ZFPM2: variants seen among roughly 807,000 people sequenced by gnomAD.
The protein encoded by ZFPM2 is zinc finger protein, FOG family member 2, also known as zinc finger protein ZFPM2.
Under a neutral mutation model 98.6 loss-of-function variants are expected in ZFPM2, and 20 were observed. The observed-to-expected ratio is 0.20, with a 90% confidence interval of 0.14 to 0.29. The LOEUF (loss-of-function observed/expected upper bound fraction) is 0.29, where lower values mean the gene tolerates loss of function less well. ZFPM2 is among the 10% of genes least tolerant of loss of function. The pLI is 1.00. For missense variants in ZFPM2, 1,310 were observed against 1,388.6 expected (o/e 0.94, Z 0.90); for synonymous variants, 518 against 502.7 (o/e 1.03, Z -0.41).
chr8:105,433,656 G>A (rs1372835841), intron 2 of ZFPM2, among the ~76,000 whole-genome samples: 1 of 152,014 alleles, frequency 6.6e-6, no homozygotes, highest in Non-Finnish European at 1.5e-5. Context: ...GCGTGGTGGC[G>A]GGAGCCTGTA....
At chr8:105,438,240 C>T (rs1158706507) in intron 2 of ZFPM2, among the ~76,000 whole-genome samples, 1 of 152,170 alleles carries the variant, frequency 6.6e-6, no homozygotes, top group Non-Finnish European at 1.5e-5. Context: ...TCATGAACTT[C>T]TCCCCTCAAA....
chr8:105,502,320 T>C (rs536022225), intron 3 of ZFPM2, among the ~76,000 whole-genome samples: 2 of 152,112 alleles, frequency 1.3e-5, no homozygotes, highest in South Asian at 4.1e-4. Context: ...GAAAAGAATA[T>C]CAATTAAAAA....
At chr8:105,454,483 A>C (rs1257955903) in intron 3 of ZFPM2, among the ~76,000 whole-genome samples, 1 of 152,182 alleles carries the variant, frequency 6.6e-6, no homozygotes, top group Non-Finnish European at 1.5e-5. Flanking sequence ...GTGATGTACT[A>C]TGTGGTAGGA....
At chr8:105,482,995 T>TTCCCTTCCTTCCTTCCTTCC (rs1554609772) in intron 3 of ZFPM2, among the ~76,000 whole-genome samples, 1 of 51,406 alleles carries the variant, frequency 1.9e-5, no homozygotes, top group African/African-American at 8.4e-5. Flanking sequence ...CCCCCCATCC[T>TTCCCTTCCTTCCTTCCTTCC]TTCCTTCCTT....
chr8:105,522,350 T>G (rs1392137818), intron 3 of ZFPM2, among the ~76,000 whole-genome samples: 2 of 152,230 alleles, frequency 1.3e-5, no homozygotes, highest in East Asian at 3.8e-4. Context: ...CTTTTAACTT[T>G]TCACCATGTA....
chr8:105,558,777 TA>T (rs1339008141), intron 3 of ZFPM2, among the ~76,000 whole-genome samples: 1 of 78,562 alleles, frequency 1.3e-5, no homozygotes, highest in Non-Finnish European at 2.2e-5. Context: ...ACTGGTTTTT[TA>T]GTGTGTAAAA....
At chr8:105,586,002 GGTGT>G (rs142133685) in intron 4 of ZFPM2, among the ~76,000 whole-genome samples, 9,194 of 142,588 alleles carry the variant, frequency 0.064, 322 homozygotes, top group Non-Finnish European at 0.081. Flanking sequence ...GGGGGGAAGG[GGTGT>G]GTGTGTGTGT....
In ZFPM2 at chr8:105,695,378, ATTTTTTTTTTTTT is replaced by A. The variant is rs1165726984; in HGVS notation, c.532+61035_532+61047del. ...TTTAAGTCAGGCAAGAATGGTTTGT[ATTTTTTTTTTTTT>A]TTTTTTTTTTTTTGCTGTACCCGAA... On this transcript the variant is annotated intron_variant, in intron 5 of 7. Transcript: ENST00000407775. 4.0e-5 allele frequency among the ~76,000 whole-genome samples: 3 copies of A among 74,842 alleles called. No homozygotes were observed. In the East Asian group the frequency reaches 1.6e-3, roughly 39 times the overall value. 49.1% of individuals were successfully genotyped at this position (74,842 alleles called of 152,430 possible). A position where few individuals can be genotyped will look rare whatever the true frequency, so the allele number is the denominator to read the frequency against.
At position 105,520,341 on chromosome 8, in the gene ZFPM2, A is replaced by T. The variant is rs565092026; in HGVS notation, c.302-41022A>T. On this transcript the variant is annotated intron_variant, in intron 3 of 7. Coordinates refer to ENST00000407775, the MANE Select transcript of ZFPM2 (RefSeq NM_012082.4). ...CACTTAATATATATATTTGGGCAGC[A>T]GCCTCTTAAGTACTATGCAGAAGCT... 2.2e-4 allele frequency among the ~76,000 whole-genome samples: 33 copies of T among 152,288 alleles called. No individual in the cohort carries two copies. In the South Asian group the frequency reaches 4.2e-3, roughly 19 times the overall value.
intron 3 of ZFPM2, among the ~76,000 whole-genome samples, chr8:105,531,832 A>G (rs1384000875): frequency 1.3e-5 from 2 of 152,172 alleles, no homozygotes; most frequent in African/African-American, 4.8e-5. Context: ...AAAATGAAAC[A>G]AAGAACTTTT....
chr8:105,538,652 T>G (rs1814512926), intron 3 of ZFPM2, among the ~76,000 whole-genome samples: 1 of 152,078 alleles, frequency 6.6e-6, no homozygotes, highest in African/African-American at 2.4e-5. Context: ...TTTTTTAGTC[T>G]TCCAAGATCA....
chr8:105,330,670 T>C (rs774478357), intron 1 of ZFPM2, among the ~76,000 whole-genome samples: 62 of 143,082 alleles, frequency 4.3e-4, no homozygotes, highest in Non-Finnish European at 8.5e-4. Flanking sequence ...TAGTGAGGAA[T>C]CAATAAAGTT....
At chr8:105,477,402 G>C (rs1468682949) in intron 3 of ZFPM2, among the ~76,000 whole-genome samples, 2 of 151,708 alleles carry the variant, frequency 1.3e-5, no homozygotes, top group African/African-American at 4.8e-5. Context: ...CTGCCACCAT[G>C]CCTGGCTAAT....
At chr8:105,550,568 T>C (rs1160436722) in intron 3 of ZFPM2, among the ~76,000 whole-genome samples, 3 of 152,134 alleles carry the variant, frequency 2.0e-5, no homozygotes, top group Admixed American at 1.3e-4. Context: ...TGTGGAGATA[T>C]CTAGAAAGTT....
intron 1 of ZFPM2, among the ~76,000 whole-genome samples, chr8:105,356,203 C>T (rs903534936): frequency 2.6e-5 from 4 of 152,112 alleles, no homozygotes; most frequent in African/African-American, 7.2e-5. Context: ...TGTTATTGTT[C>T]GAGAGAGTAC....
intron 5 of ZFPM2, among the ~76,000 whole-genome samples, chr8:105,651,808 ACT>A (rs1817184568): frequency 6.6e-6 from 1 of 152,106 alleles, no homozygotes. Flanking sequence ...AACAGAATAA[ACT>A]CTAGTGTTAC....
At chr8:105,509,194 G>A (rs1338846867) in intron 3 of ZFPM2, among the ~76,000 whole-genome samples, 1 of 152,208 alleles carries the variant, frequency 6.6e-6, no homozygotes, top group Non-Finnish European at 1.5e-5. Context: ...AGAGCTGTGA[G>A]AACTACCAGG....
chr8:105,596,697 A>T (rs1276653060), intron 4 of ZFPM2, among the ~76,000 whole-genome samples: 2 of 146,960 alleles, frequency 1.4e-5, no homozygotes, highest in African/African-American at 5.0e-5. Context: ...AAAGCAACTC[A>T]TGATAGAGAA....
chr8:105,622,343 A>T (rs1379549076), intron 4 of ZFPM2, among the ~76,000 whole-genome samples: 1 of 152,074 alleles, frequency 6.6e-6, no homozygotes, highest in African/African-American at 2.4e-5. Flanking sequence ...ATGTGATAGG[A>T]TAGAGAATTG....
Sources: gnomAD v4.1 joint callset for allele counts (sites outside exome capture counted in the v4.1 genomes callset) on GRCh38, gnomAD v4.1.1 for gene constraint, MANE v1.5 for transcripts, NCBI Gene and HGNC (gene_info 2026-07-23, HGNC 2026-07-21) for gene names.